The following RTN4 variants were observed in gnomAD, a reference collection of about 807,000 sequenced individuals.
RTN4 encodes reticulon 4.
Under a neutral mutation model 90.4 loss-of-function variants are expected in RTN4, and 32 were observed. That is an observed-to-expected ratio of 0.35 (90% CI 0.27 to 0.48). The LOEUF is 0.48. Ranked by LOEUF, RTN4 falls within the 20% of genes least tolerant of loss-of-function variation. The pLI is 0.99. For synonymous variants in RTN4, 629 were observed against 552.5 expected, an observed-to-expected ratio of 1.14 and a Z score of -1.94; for missense variants, 1,706 against 1,430.2, an observed-to-expected ratio of 1.19 and a Z score of -3.11.
intron 3 of RTN4, among the ~76,000 whole-genome samples, chr2:55,009,112 G>C (rs1200139822): frequency 6.6e-6 from 1 of 151,966 alleles, no homozygotes; most frequent in East Asian, 1.9e-4. Context: ...CATTGTAAAA[G>C]TTACTGTAAT....
intron 1 of RTN4, among the ~76,000 whole-genome samples, chr2:55,036,252 T>C (rs998080006): frequency 1.3e-5 from 2 of 152,166 alleles, no homozygotes; most frequent in Non-Finnish European, 2.9e-5. Context: ...ATAGAAAGTA[T>C]AATCATCACC....
intron 3 of RTN4, among the ~76,000 whole-genome samples, chr2:55,007,126 C>A (rs55697927): frequency 0.031 from 4,766 of 152,214 alleles, 253 homozygotes; most frequent in African/African-American, 0.11. Flanking sequence ...GCCAATATTT[C>A]ACTCTAATTC....
rs565910492 is a variant in RTN4, at chr2:55,050,364, G to A, written c.-64C>T. On this transcript the variant is annotated 5_prime_UTR_variant, in exon 1 of 9. Transcript: ENST00000337526. The surrounding 1 kb of genome is among the most constrained non-coding windows in gnomAD (Gnocchi z 4.6). ...GCCGCCGGGGCCGCGTCTCAGAGCCGCGGGCGGTTGTGGGGGTTGGGGAGG... is the reference window on the plus strand; with the variant it reads ...GCCGCCGGGGCCGCGTCTCAGAGCCACGGGCGGTTGTGGGGGTTGGGGAGG... 3.2e-5 allele frequency: 37 copies of A among 1,162,770 alleles called. No homozygotes were observed. The South Asian group carries it at 3.2e-4, about 10-fold the overall frequency. 72.0% of individuals were successfully genotyped at this position (1,162,770 alleles called of 1,614,324 possible). A position where few individuals can be genotyped will look rare whatever the true frequency, so the allele number is the denominator to read the frequency against.
intron 1 of RTN4, among the ~76,000 whole-genome samples, chr2:55,100,876 G>C (rs1275770751): frequency 9.5e-6 from 1 of 104,728 alleles, no homozygotes; most frequent in Non-Finnish European, 2.1e-5. Context: ...AGCACTCTTA[G>C]CATTTTTTTT....
At chr2:55,129,052 G>A in the RTN4 span, among the ~76,000 whole-genome samples, 1 of 147,524 alleles carries the variant, frequency 6.8e-6, no homozygotes, top group Non-Finnish European at 1.5e-5. Context: ...AGGTTGCAGT[G>A]AGCCGAGATC....
chr2:54,986,896 G>A (rs1387501788), intron 4 of RTN4, among the ~76,000 whole-genome samples: 2 of 151,936 alleles, frequency 1.3e-5, no homozygotes. Flanking sequence ...TATGAGGTGA[G>A]GGCAGAAGAC....
At chr2:54,977,836 C>T (rs923330533) in intron 5 of RTN4, among the ~76,000 whole-genome samples, 6 of 152,096 alleles carry the variant, frequency 3.9e-5, no homozygotes, top group African/African-American at 7.2e-5. Context: ...GCAAAACAAA[C>T]GGAATATTAC....
At chr2:55,067,562 G>T (rs1288233226) in intron 2 of RTN4, among the ~76,000 whole-genome samples, 1 of 152,040 alleles carries the variant, frequency 6.6e-6, no homozygotes, top group Non-Finnish European at 1.5e-5. Context: ...ACAGGCATAT[G>T]CCACCACACC....
intron 3 of RTN4, among the ~76,000 whole-genome samples, chr2:54,988,014 GT>G (rs766440537): frequency 3.2e-4 from 48 of 152,164 alleles, no homozygotes; most frequent in Non-Finnish European, 5.6e-4. Flanking sequence ...AAAACAAGGA[GT>G]TACTTAAAAT....
intron 1 of RTN4, among the ~76,000 whole-genome samples, chr2:55,084,279 G>T (rs959258691): frequency 6.7e-6 from 1 of 149,682 alleles, no homozygotes; most frequent in African/African-American, 2.5e-5. Flanking sequence ...TCATCTGGCT[G>T]TTCCTGAGTT....
chr2:55,119,591 G>A, the RTN4 span, among the ~76,000 whole-genome samples: 7 of 152,156 alleles, frequency 4.6e-5, no homozygotes, highest in African/African-American at 1.7e-4. Flanking sequence ...CATAGAACTT[G>A]TATTCTCTGG....
At chr2:55,137,306 C>T in the RTN4 span, among the ~76,000 whole-genome samples, 1 of 152,242 alleles carries the variant, frequency 6.6e-6, no homozygotes, top group South Asian at 2.1e-4. Context: ...ATGGGGGTGG[C>T]TGGAAAGGAG....
intron 1 of RTN4, among the ~76,000 whole-genome samples, chr2:55,031,349 C>T (rs1169928637): frequency 6.6e-6 from 1 of 152,168 alleles, no homozygotes; most frequent in African/African-American, 2.4e-5. Context: ...CCTAAGAATA[C>T]CGCACTCTTG....
intron 1 of RTN4, among the ~76,000 whole-genome samples, chr2:55,096,299 C>G (rs535072254): frequency 1.3e-5 from 2 of 151,774 alleles, no homozygotes; most frequent in South Asian, 4.2e-4. Flanking sequence ...GCACTCCAGC[C>G]TGGGCAACAA....
At chr2:55,018,596 T>A (rs184447496) in intron 3 of RTN4, among the ~76,000 whole-genome samples, 159 of 152,172 alleles carry the variant, frequency 1.0e-3, no homozygotes, top group African/African-American at 3.4e-3. Context: ...ATTAAAGGAC[T>A]GGATATAAAT....
intron 3 of RTN4, among the ~76,000 whole-genome samples, chr2:55,004,814 A>T (rs1266735040): frequency 6.6e-6 from 1 of 152,150 alleles, no homozygotes; most frequent in Non-Finnish European, 1.5e-5. Flanking sequence ...AATAATTGTA[A>T]TAGAAAGTAC....
rs118078480 is a variant in RTN4, at chr2:54,986,785, T to C, written c.3221+706A>G. On this transcript the variant is annotated intron_variant, in intron 4 of 8. Transcript: ENST00000337526. Reference sequence around the variant, plus strand: ...GAAGTTTCTTTTTGTGCGATGAAAATAGTGATGGTTGTAGAATTCTGTGAA... The same window carrying C: ...GAAGTTTCTTTTTGTGCGATGAAAACAGTGATGGTTGTAGAATTCTGTGAA... Among the ~76,000 whole-genome samples, 288 of 152,116 alleles carry C rather than the reference T, an allele frequency of 1.9e-3. 5 individuals are homozygous for C. In the East Asian group the frequency reaches 0.045, roughly 24 times the overall value.
intron 3 of RTN4, among the ~76,000 whole-genome samples, chr2:55,016,679 T>A (rs71414541): frequency 6.6e-6 from 1 of 152,218 alleles, no homozygotes; most frequent in East Asian, 1.9e-4. Context: ...GTAATATGAT[T>A]ATAATTTTTT....
chr2:55,041,769 AT>A (rs1683093383), intron 1 of RTN4, among the ~76,000 whole-genome samples: 1 of 152,094 alleles, frequency 6.6e-6, no homozygotes, highest in African/African-American at 2.4e-5. Context: ...AGGAGTAAAC[AT>A]GGGGGAAAAT....
Sources: gnomAD v4.1 joint callset for allele counts (sites outside exome capture counted in the v4.1 genomes callset) on GRCh38, gnomAD v4.1.1 for gene constraint, Gnocchi (gnomAD v3.1) non-coding constraint, MANE v1.5 for transcripts, NCBI Gene and HGNC (gene_info 2026-07-23, HGNC 2026-07-21) for gene names.